The following VDR variants were observed in gnomAD, a reference collection of about 807,000 sequenced individuals.
The protein encoded by VDR is vitamin D receptor, also known as vitamin D3 receptor.
VDR carries 19 observed loss-of-function variants against 39.7 expected under a neutral mutation model. The ratio of observed to expected loss-of-function variants is 0.48; its 90% CI spans 0.33 to 0.70. The LOEUF is 0.70. VDR is among the 30% of genes least tolerant of loss of function. The probability of loss-of-function intolerance (pLI) is 0.02; values close to 1 mark genes in which losing one functional copy is unlikely to be tolerated. For missense variants in VDR, 442 were observed against 570.5 expected, an observed-to-expected ratio of 0.77 and a Z score of 2.29; for synonymous variants, 242 against 215.8, an observed-to-expected ratio of 1.12 and a Z score of -1.07.
intron 3 of VDR, among the ~76,000 whole-genome samples, chr12:47,876,304 C>T (rs139231149): frequency 1.8e-3 from 277 of 152,270 alleles, no homozygotes; most frequent in African/African-American, 6.2e-3. Flanking sequence ...TCTTTCTTGA[C>T]AGCTTCAGTG....
intron 3 of VDR, among the ~76,000 whole-genome samples, chr12:47,869,535 C>CAAAAAAA (rs33940574): frequency 5.8e-5 from 4 of 68,960 alleles, no homozygotes; most frequent in Non-Finnish European, 7.6e-5. Context: ...GACTCCATCT[C>CAAAAAAA]AAAAAAAAAA....
At chr12:47,866,472 G>A (rs1945739452) in intron 3 of VDR, among the ~76,000 whole-genome samples, 1 of 152,188 alleles carries the variant, frequency 6.6e-6, no homozygotes, top group Non-Finnish European at 1.5e-5. Flanking sequence ...GAGAAGTAAG[G>A]ATGCTAGTCT....
intron 3 of VDR, among the ~76,000 whole-genome samples, chr12:47,875,177 G>C (rs1411100530): frequency 6.6e-6 from 1 of 152,194 alleles, no homozygotes; most frequent in Non-Finnish European, 1.5e-5. Context: ...ACTTCAGCTA[G>C]ATTATGAGTC....
chr12:47,858,509 A>T (rs1391057428), intron 4 of VDR, among the ~76,000 whole-genome samples: 2 of 152,268 alleles, frequency 1.3e-5, no homozygotes, highest in Non-Finnish European at 2.9e-5. Context: ...AGTTCTCTCC[A>T]GCCACTAATC....
intron 7 of VDR, among the ~76,000 whole-genome samples, chr12:47,853,902 A>G (rs1945434331): frequency 6.6e-6 from 1 of 152,224 alleles, no homozygotes; most frequent in South Asian, 2.1e-4. Context: ...AGCCTAGGTG[A>G]AAAGAGCGAA....
chr12:47,849,340 C>T (rs1945340700), intron 7 of VDR, among the ~76,000 whole-genome samples: 2 of 152,166 alleles, frequency 1.3e-5, no homozygotes, highest in Admixed American at 6.5e-5. Flanking sequence ...CTCTTAGGAA[C>T]TCTTAGAGAT....
intron 7 of VDR, among the ~76,000 whole-genome samples, chr12:47,848,119 G>C (rs918206655): frequency 6.6e-6 from 1 of 152,140 alleles, no homozygotes; most frequent in Non-Finnish European, 1.5e-5. Flanking sequence ...AGCCAGGATG[G>C]TCTCGATCTC....
At chr12:47,873,769 C>A (rs926247208) in intron 3 of VDR, among the ~76,000 whole-genome samples, 1 of 152,138 alleles carries the variant, frequency 6.6e-6, no homozygotes, top group Non-Finnish European at 1.5e-5. Flanking sequence ...CAGGAATGTA[C>A]CATCTCTCAA....
At chr12:47,854,880 G>A (rs1945451598) in intron 7 of VDR, among the ~76,000 whole-genome samples, 1 of 152,254 alleles carries the variant, frequency 6.6e-6, no homozygotes, top group African/African-American at 2.4e-5. Context: ...CTAGGGTAGG[G>A]TCTGAATCTC....
Position 47,846,330 on chromosome 12 carries a change from C to T in VDR, c.1024+5G>A, listed in dbSNP as rs751518566. 7 of 1,607,384 alleles carry T rather than the reference C, an allele frequency of 4.4e-6. No individual in the cohort carries two copies. Among genetic ancestry groups the T allele is most frequent in the Non-Finnish European group, 5.9e-6 (7 of 1,178,318 alleles). ...CCCTGAGCTCCTCCCTGCCTGGCCC[C>T]ATACCTGGGGAGACGATGCAGATGG... On this transcript the variant is annotated splice_donor_5th_base_variant and intron_variant, in intron 9 of 9. Coordinates refer to ENST00000549336, the MANE Select transcript of VDR (RefSeq NM_000376.3).
intron 1 of VDR, among the ~76,000 whole-genome samples, chr12:47,888,652 G>C (rs1485279546): frequency 2.6e-5 from 4 of 152,178 alleles, no homozygotes; most frequent in Non-Finnish European, 5.9e-5. Context: ...TGACGCATAG[G>C]GGACTGGCCC....
chr12:47,882,623 G>GGCCCCGGGCCCCCCC, intron 2 of VDR, 71 bp downstream of exon 2: 2 of 543,276 alleles, frequency 3.7e-6, no homozygotes, highest in Admixed American at 3.4e-5. Flanking sequence ...ACCTTCTTAT[G>GGCCCCGGGCCCCCCC]CCCCTCCCCC....
Position 47,843,551 on chromosome 12 carries a change from CT to C in VDR, c.*1194del, listed in dbSNP as rs2137116125. ...CACTTGAAGTTGTATCACTCCGCCC[CT>C]GCCTCACAGGCACCTTTTGACTTTT... On this transcript the variant is annotated 3_prime_UTR_variant, in exon 10 of 10. Coordinates refer to ENST00000549336, the MANE Select transcript of VDR (RefSeq NM_000376.3). 1 of 152,484 alleles carries C rather than the reference CT, an allele frequency of 6.6e-6. No homozygotes were observed. The highest frequency in any genetic ancestry group is 6.5e-5 in the Admixed American group (1 of 15,296). 9.4% of individuals were successfully genotyped at this position (152,484 alleles called of 1,614,324 possible). A position where few individuals can be genotyped will look rare whatever the true frequency, so the allele number is the denominator to read the frequency against.
At position 47,846,388 on chromosome 12, in the gene VDR, T is replaced by C; in HGVS notation, c.971A>G (p.Asn324Ser). The C allele has an allele frequency of 6.3e-7, 1 of 1,587,128 alleles. No individual in the cohort carries two copies. ...IKFQVGLKKL[N>S]LHEEEHVLLM... ...CAGGACATGCTCCTCCTCATGCAAG[T>C]TCAGCTTCTTCAGTCCCACCTGGAA... Residue 324 changes from asparagine (N) to serine (S), a missense_variant, in exon 9 of 10, where the codon AAC (asparagine) becomes AGC (serine). Transcript: ENST00000549336.
chr12:47,857,193 T>A lies in VDR; in HGVS notation c.519A>T (p.Arg173Ser), dbSNP rs199620286. The A allele has an allele frequency of 5.0e-5, 80 of 1,614,122 alleles. 1 individual carries two copies. Among genetic ancestry groups the A allele is most frequent in the Middle Eastern group, 1.7e-4 (1 of 6,058 alleles). The change falls in exon 6 of 10, where the codon AGA (arginine) becomes AGT (serine). Residue 173 changes from arginine to serine, a missense_variant. Around this residue, in one of 5 missense-constraint regions of VDR, gnomAD observed 77 missense variants for 67.4 expected, o/e 1.14. Coordinates refer to ENST00000549336, the MANE Select transcript of VDR (RefSeq NM_000376.3). The stretch of plus-strand genomic sequence containing the variant: ...AGTCCCCAGAGAAGCTGGGAGTGTG[T>A]CTGGAGTTGGGCCTGGAAGGATGGC... ...GGSHPSRPNS[R>S]HTPSFSGDSS...
chr12:47,895,124 G>C (rs1052708291), intron 1 of VDR, among the ~76,000 whole-genome samples: 1 of 152,162 alleles, frequency 6.6e-6, no homozygotes, highest in Non-Finnish European at 1.5e-5. Flanking sequence ...AAAAATACTA[G>C]CTATTGCATT....
At chr12:47,904,083 TAGAGGAGGAGGAGGAACA>T (rs1221455354) in intron 1 of VDR, among the ~76,000 whole-genome samples, 2 of 143,850 alleles carry the variant, frequency 1.4e-5, no homozygotes, top group African/African-American at 5.3e-5. Flanking sequence ...ACCGCACGCA[TAGAGGAGGAGGAGGAACA>T]AGAGGAGGAG....
At chr12:47,881,619 T>C (rs1170488532) in intron 2 of VDR, among the ~76,000 whole-genome samples, 2 of 152,196 alleles carry the variant, frequency 1.3e-5, no homozygotes, top group African/African-American at 4.8e-5. Flanking sequence ...CTTCTTCTTA[T>C]TATTATTAGC....
intron 1 of VDR, among the ~76,000 whole-genome samples, chr12:47,900,655 G>A (rs1946541527): frequency 6.6e-6 from 1 of 152,180 alleles, no homozygotes; most frequent in Admixed American, 6.5e-5. Flanking sequence ...TACAACTCCA[G>A]TACCAGCAGG....
Sources: gnomAD v4.1 joint callset for allele counts (sites outside exome capture counted in the v4.1 genomes callset) on GRCh38, gnomAD v4.1.1 for gene constraint, gnomAD v4.1.1 regional missense constraint, MANE v1.5 for transcripts, NCBI Gene and HGNC (gene_info 2026-07-23, HGNC 2026-07-21) for gene names.